The following PCDHGA5 variants were observed in gnomAD, a reference collection of about 807,000 sequenced individuals.
PCDHGA5 encodes the protein protocadherin gamma-A5.
PCDHGA5 carries 36 observed loss-of-function variants against 56.7 expected under a neutral mutation model. That is an observed-to-expected ratio of 0.64 (90% CI 0.49 to 0.84). The LOEUF (loss-of-function observed/expected upper bound fraction) is 0.84. Among genes scored for constraint, PCDHGA5 ranks in the 40% least tolerant of loss-of-function variants. The probability of loss-of-function intolerance (pLI) is 0.00; values close to 1 mark genes in which losing one functional copy is unlikely to be tolerated. For synonymous variants in PCDHGA5, 563 were observed against 520.2 expected, an observed-to-expected ratio of 1.08 and a Z score of -1.12; for missense variants, 1,305 against 1,201.5, an observed-to-expected ratio of 1.09 and a Z score of -1.27.
intron 1 of PCDHGA5, among the ~76,000 whole-genome samples, chr5:141,467,758 C>CTCAA (rs933308513): frequency 6.6e-5 from 10 of 152,018 alleles, no homozygotes; most frequent in Admixed American, 5.9e-4. Flanking sequence ...GCCTCACATG[C>CTCAA]TCAAGTGCCC....
intron 2 of PCDHGA5, among the ~76,000 whole-genome samples, chr5:141,498,024 A>G (rs1455238086): frequency 6.6e-6 from 1 of 152,200 alleles, no homozygotes; most frequent in East Asian, 1.9e-4. Flanking sequence ...GGAGACAAAT[A>G]TTGACCAAAT....
intron 1 of PCDHGA5, chr5:141,388,238 C>T (rs546808390): frequency 4.8e-5 from 77 of 1,607,582 alleles, no homozygotes; most frequent in Non-Finnish European, 6.4e-5. Flanking sequence ...ACTTTTATCA[C>T]GTGAATGTGG....
intron 1 of PCDHGA5, among the ~76,000 whole-genome samples, chr5:141,462,030 T>C (rs1283795051): frequency 3.9e-5 from 6 of 152,122 alleles, no homozygotes; most frequent in Non-Finnish European, 8.8e-5. Flanking sequence ...TTCATGTTGG[T>C]CAGGCGGGTC....
At chr5:141,471,492 G>A (rs912591449) in intron 1 of PCDHGA5, 1 of 152,176 alleles carries the variant, frequency 6.6e-6, no homozygotes, top group Non-Finnish European at 1.5e-5. Context: ...GGAATTTAGG[G>A]AATGCAAGAG....
intron 1 of PCDHGA5, among the ~76,000 whole-genome samples, chr5:141,484,569 AGACT>A (rs1376518478): frequency 1.3e-5 from 2 of 152,106 alleles, no homozygotes; most frequent in African/African-American, 2.4e-5. Context: ...CAATACAATC[AGACT>A]GAGACGGAAG....
At chr5:141,409,096 A>T (rs968537361) in intron 1 of PCDHGA5, 8 of 1,613,956 alleles carry the variant, frequency 5.0e-6, no homozygotes, top group African/African-American at 1.3e-5. Flanking sequence ...ATGAGAAAAC[A>T]GGTATGATTA....
chr5:141,380,372 C>G (rs73265858), intron 1 of PCDHGA5, among the ~76,000 whole-genome samples: 1 of 151,948 alleles, frequency 6.6e-6, no homozygotes, highest in African/African-American at 2.4e-5. Context: ...AAAAAAAAGT[C>G]CCAAAAAAGA....
rs549455612 is a variant in PCDHGA5 at position 141,415,049 on chromosome 5, A to T, written c.2421+48298A>T. On this transcript the variant is annotated intron_variant, in intron 1 of 3. Transcript: ENST00000518069. Reference sequence around the variant, plus strand: ...GAGCCGGGACTCTTCGCGGTGGGGGAGCACACGGGCGAGGTGCGCACGGCG... The same window carrying T: ...GAGCCGGGACTCTTCGCGGTGGGGGTGCACACGGGCGAGGTGCGCACGGCG... 84 of 1,613,216 alleles carry T rather than the reference A, an allele frequency of 5.2e-5. 1 individual carries two copies. In the Admixed American group the frequency reaches 6.0e-4, roughly 12 times the overall value.
chr5:141,370,642 A>G (rs944377529), intron 1 of PCDHGA5: 1 of 1,613,836 alleles, frequency 6.2e-7, no homozygotes, highest in Non-Finnish European at 8.5e-7. Context: ...GAAAATGGGA[A>G]CTTACTTGTG....
In PCDHGA5 at chr5:141,489,906, C is replaced by T. The variant is rs550717535; in HGVS notation, c.2422-4901C>T. On this transcript the variant is annotated intron_variant, in intron 1 of 3. Transcript: ENST00000518069. The surrounding 1 kb of genome is among the most constrained non-coding windows in gnomAD (Gnocchi z 4.5). ...CTGTGGATGGGGGGACCCCAGCCCG[C>T]TCAGGGACCACCCTTATCTCTGTCA... 4.5e-5 allele frequency: 72 copies of T among 1,614,234 alleles called. No individual in the cohort carries two copies. In the African/African-American group the frequency reaches 5.6e-4, roughly 13 times the overall value.
Position 141,366,606 on chromosome 5 carries a change from T to A in PCDHGA5, c.2276T>A (p.Leu759His), listed in dbSNP as rs545823772. The A allele has an allele frequency of 3.5e-5, 56 of 1,614,226 alleles. No homozygotes were observed. The Admixed American group carries it at 6.5e-4, about 19-fold the overall frequency. The stretch of plus-strand genomic sequence containing the variant: ...CAGACCTATTCCCACGAGGTCTCCC[T>A]CACCGCGGACTCGAGGAAGAGTCAC... Reference protein sequence around the residue: ...FLQTYSHEVSLTADSRKSHLI... With the variant: ...FLQTYSHEVSHTADSRKSHLI... Residue 759 changes from leucine to histidine, a missense_variant, in exon 1 of 4, where the codon CTC becomes CAC. Leu to His is a moderately conservative substitution (Grantham distance 99). Transcript: ENST00000518069.
Position 141,512,703 on chromosome 5 carries a change from T to C in PCDHGA5, c.*1530T>C. ...TAGCCAGTAGTGTAGTGCGGTGTGC[T>C]TTTACGTGATGGCGGGTGGGCAGCG... On this transcript the variant is annotated 3_prime_UTR_variant, in exon 4 of 4. Coordinates refer to ENST00000518069, the MANE Select transcript of PCDHGA5 (RefSeq NM_018918.3). 1 of 152,958 alleles carries C rather than the reference T, an allele frequency of 6.5e-6. No individual in the cohort carries two copies. Among genetic ancestry groups the C allele is most frequent in the East Asian group, 1.9e-4 (1 of 5,212 alleles). 9.5% of individuals were successfully genotyped at this position (152,958 alleles called of 1,614,324 possible).
At chr5:141,441,730 A>T in intron 1 of PCDHGA5, 1 of 362,750 alleles carries the variant, frequency 2.8e-6, no homozygotes, top group South Asian at 2.2e-5. Context: ...CGCGACCAGG[A>T]CTAGCTCGCG....
intron 1 of PCDHGA5, chr5:141,385,087 G>C: frequency 6.2e-7 from 1 of 1,614,234 alleles, no homozygotes; most frequent in Non-Finnish European, 8.5e-7. Flanking sequence ...GGCTTCAGAA[G>C]GTGGCTTGGC....
At chr5:141,380,168 G>T (rs1204513654) in intron 1 of PCDHGA5, among the ~76,000 whole-genome samples, 1 of 152,074 alleles carries the variant, frequency 6.6e-6, no homozygotes, top group Non-Finnish European at 1.5e-5. Flanking sequence ...TCAAAGGGCT[G>T]GGATTACAGG....
intron 1 of PCDHGA5, chr5:141,388,246 TGGA>T: frequency 6.2e-7 from 1 of 1,609,740 alleles, no homozygotes; most frequent in East Asian, 2.2e-5. Context: ...CACGTGAATG[TGGA>T]GATCGAGGAC....
At chr5:141,419,093 C>T (rs1191453038) in intron 1 of PCDHGA5, 4 of 1,613,916 alleles carry the variant, frequency 2.5e-6, no homozygotes, top group South Asian at 1.1e-5. Flanking sequence ...GGCCCTGGAT[C>T]GGGAGCAGAC....
intron 1 of PCDHGA5, chr5:141,414,130 T>C (rs761622500): frequency 6.3e-7 from 1 of 1,594,602 alleles, no homozygotes; most frequent in South Asian, 1.1e-5. Context: ...AACCGGTTTC[T>C]ATGAAATAGA....
rs764579211 is a variant in PCDHGA5 at position 141,489,393 on chromosome 5, T to C, written c.2422-5414T>C. 1.9e-5 allele frequency: 30 copies of C among 1,614,098 alleles called. No individual in the cohort carries two copies. In the South Asian group the frequency reaches 3.3e-4, roughly 18 times the overall value. On this transcript the variant is annotated intron_variant, in intron 1 of 3. Coordinates refer to ENST00000518069, the MANE Select transcript of PCDHGA5 (RefSeq NM_018918.3). The surrounding 1 kb of genome is among the most constrained non-coding windows in gnomAD (Gnocchi z 4.5). ...CGCTGGTGGGGAATGTTGCTCAGGA[T>C]CTGGGCTTAAAGATGACAGATCTGT...
Sources: allele counts gnomAD v4.1 joint callset (sites outside exome capture counted in the v4.1 genomes callset), GRCh38; gene constraint gnomAD v4.1.1; non-coding constraint Gnocchi (gnomAD v3.1); transcripts MANE v1.5; gene names NCBI Gene and HGNC (gene_info 2026-07-23, HGNC 2026-07-21).